The following MTMR8 variants were observed in gnomAD, a reference collection of about 807,000 sequenced individuals.
MTMR8 encodes phosphatidylinositol-3,5-bisphosphate 3-phosphatase MTMR8.
Under a neutral mutation model 39.3 loss-of-function variants are expected in MTMR8, and 65 were observed. The ratio of observed to expected loss-of-function variants is 1.65; its 90% CI spans 1.35 to 2.03. The LOEUF is 2.03. Ranked by LOEUF, MTMR8 falls within the 30% of genes most tolerant of loss-of-function variation. The pLI, the probability that MTMR8 is intolerant of heterozygous loss-of-function variation, is 0.00. For missense variants in MTMR8, 777 were observed against 538.9 expected, an observed-to-expected ratio of 1.44 and a Z score of -4.37; for synonymous variants, 245 against 185.2, an observed-to-expected ratio of 1.32 and a Z score of -2.62.
chrX:64,272,399 A>G (rs1931780946), intron 12 of MTMR8, among the ~76,000 whole-genome samples: 1 of 111,346 alleles, frequency 9.0e-6, no homozygotes, highest in African/African-American at 3.3e-5. Flanking sequence ...AATCCAATAG[A>G]GGAGTTCAAC....
intron 12 of MTMR8, among the ~76,000 whole-genome samples, chrX:64,296,493 G>C (rs1244864840): frequency 9.2e-6 from 1 of 108,528 alleles, no homozygotes; most frequent in African/African-American, 3.4e-5. Context: ...ACCAAAACAA[G>C]CAAAAAATAC....
intron 12 of MTMR8, among the ~76,000 whole-genome samples, chrX:64,300,344 C>G (rs1394960808): frequency 9.0e-6 from 1 of 111,199 alleles, no homozygotes; most frequent in African/African-American, 3.3e-5. Flanking sequence ...ATGGCCTTGT[C>G]TCTTTTGATC....
intron 3 of MTMR8, 37 bp from the exon 4 acceptor site, chrX:64,354,971 G>T (rs1259308439): frequency 1.8e-6 from 2 of 1,081,679 alleles, no homozygotes; most frequent in East Asian, 3.2e-5. Flanking sequence ...ACAAAATGAT[G>T]AATGAAACCT....
chrX:64,316,601 T>C (rs1013717268), intron 12 of MTMR8, among the ~76,000 whole-genome samples: 3 of 111,071 alleles, frequency 2.7e-5, no homozygotes, highest in Non-Finnish European at 3.8e-5. Context: ...TGAGCCATGA[T>C]TGCACCAATG....
At chrX:64,339,963 A>G (rs1923173066) in intron 8 of MTMR8, among the ~76,000 whole-genome samples, 1 of 111,953 alleles carries the variant, frequency 8.9e-6, no homozygotes, top group Admixed American at 9.5e-5. Flanking sequence ...GAGCCAACCA[A>G]AAACACATAA....
Position 64,268,464 on chromosome X carries a change from G to C in MTMR8, c.*73C>G. Reference sequence around the variant, plus strand: ...CCCACTTAAACCAATTGGAAAAGCAGCATAGCCCTCTCTGGGACAAGAATC... The same window carrying C: ...CCCACTTAAACCAATTGGAAAAGCACCATAGCCCTCTCTGGGACAAGAATC... On this transcript the variant is annotated 3_prime_UTR_variant, in exon 14 of 14. Coordinates refer to ENST00000374852, the MANE Select transcript of MTMR8 (RefSeq NM_017677.4). The C allele has an allele frequency of 2.7e-6, 3 of 1,131,178 alleles. No individual in the cohort carries two copies. The highest frequency in any genetic ancestry group is 3.5e-6 in the Non-Finnish European group (3 of 850,840). The allele number at this position is 1,131,178 out of a possible 1,213,427, so 93.2% of individuals were successfully genotyped here. A position where few individuals can be genotyped will look rare whatever the true frequency, so the allele number is the denominator to read the frequency against.
intron 12 of MTMR8, among the ~76,000 whole-genome samples, chrX:64,302,168 G>A (rs1460945114): frequency 3.6e-5 from 4 of 112,497 alleles, no homozygotes; most frequent in East Asian, 2.8e-4. Flanking sequence ...CCCCAGCCTC[G>A]CTGCTGCCTT....
chrX:64,384,543 C>T (rs1271246970), intron 1 of MTMR8, among the ~76,000 whole-genome samples: 1 of 112,334 alleles, frequency 8.9e-6, no homozygotes, highest in East Asian at 2.8e-4. Flanking sequence ...GAAATATAGG[C>T]AGAGGCCCCC....
At chrX:64,392,591 T>C (rs1290723026) in intron 1 of MTMR8, among the ~76,000 whole-genome samples, 1 of 110,233 alleles carries the variant, frequency 9.1e-6, no homozygotes, top group Non-Finnish European at 1.9e-5. Flanking sequence ...TTTTTGTTTG[T>C]TTGTTTGTTT....
intron 13 of MTMR8, among the ~76,000 whole-genome samples, chrX:64,270,396 C>A (rs759003578): frequency 4.5e-5 from 5 of 112,243 alleles, no homozygotes; most frequent in African/African-American, 1.6e-4. Context: ...GTCCTTCAAA[C>A]AAACCCTTAG....
rs1010798539 is a variant in MTMR8 at position 64,347,722 on chromosome X, T to C, written c.732+938A>G. On this transcript the variant is annotated intron_variant, in intron 6 of 13. Coordinates refer to ENST00000374852, the MANE Select transcript of MTMR8 (RefSeq NM_017677.4). ...ACCAAATTATAAGCAAAATTATTTC[T>C]TTCTGGGGCTGTTTGTAAAAAGGAC... 2.7e-5 allele frequency among the ~76,000 whole-genome samples: 3 copies of C among 112,670 alleles called. No homozygotes were observed. In the East Asian group the frequency reaches 8.4e-4, roughly 31 times the overall value.
intron 1 of MTMR8, among the ~76,000 whole-genome samples, chrX:64,374,332 T>A (rs1359755393): frequency 8.9e-6 from 1 of 111,996 alleles, no homozygotes. Flanking sequence ...GATTCTGTAG[T>A]ATCTACTATT....
chrX:64,293,153 CTTAT>C (rs765503860), intron 12 of MTMR8, among the ~76,000 whole-genome samples: 1 of 111,562 alleles, frequency 9.0e-6, no homozygotes, highest in Non-Finnish European at 1.9e-5. Flanking sequence ...TGTCTAACGA[CTTAT>C]TTCTCAGGAG....
chrX:64,336,663 G>A (rs977201144), intron 9 of MTMR8, among the ~76,000 whole-genome samples: 3 of 110,713 alleles, frequency 2.7e-5, no homozygotes, highest in Admixed American at 9.6e-5. Context: ...CAAGCATGGT[G>A]GTGCACATCT....
chrX:64,387,576 A>T (rs959864679), intron 1 of MTMR8, among the ~76,000 whole-genome samples: 29 of 109,948 alleles, frequency 2.6e-4, no homozygotes, highest in Non-Finnish European at 5.5e-4. Context: ...ACTCAAAGGC[A>T]CCAGGGCCCC....
chrX:64,394,762 T>C (rs1373121712), intron 1 of MTMR8, among the ~76,000 whole-genome samples: 1 of 112,148 alleles, frequency 8.9e-6, no homozygotes, highest in African/African-American at 3.2e-5. Flanking sequence ...CCAGATCCAC[T>C]CTGCCCCACT....
intron 12 of MTMR8, among the ~76,000 whole-genome samples, chrX:64,315,029 A>G (rs1201084445): frequency 8.9e-6 from 1 of 111,761 alleles, no homozygotes; most frequent in Non-Finnish European, 1.9e-5. Flanking sequence ...CCCTAAGACT[A>G]AAGTCTACTA....
At chrX:64,386,105 A>G (rs1008463512) in intron 1 of MTMR8, among the ~76,000 whole-genome samples, 1 of 111,683 alleles carries the variant, frequency 9.0e-6, no homozygotes, top group African/African-American at 3.3e-5. Flanking sequence ...ACAAAAAAAA[A>G]AAGTAACCTG....
At chrX:64,348,852 T>C in intron 5 of MTMR8, 58 bp from the exon 6 acceptor site, 3 of 1,167,838 alleles carry the variant, frequency 2.6e-6, no homozygotes, top group Non-Finnish European at 1.2e-6. Flanking sequence ...CAAAAATCTT[T>C]CTTGACCCTT....
Sources: allele counts gnomAD v4.1 joint callset (sites outside exome capture counted in the v4.1 genomes callset), GRCh38; gene constraint gnomAD v4.1.1; transcripts MANE v1.5; gene names NCBI Gene and HGNC (gene_info 2026-07-23, HGNC 2026-07-21).